Variants in LAMB1 observed in about 807,000 individuals in gnomAD.
The protein encoded by LAMB1 is laminin subunit beta-1.
LAMB1 carries 121 observed loss-of-function variants against 222.3 expected under a neutral mutation model. The observed-to-expected ratio is 0.54, with a 90% CI of 0.47 to 0.63. The LOEUF is 0.63. Among genes scored for constraint, LAMB1 ranks in the 30% least tolerant of loss-of-function variants. LAMB1 has a pLI of 0.00. For synonymous variants in LAMB1, 794 were observed against 807.2 expected, an observed-to-expected ratio of 0.98 and a Z score of 0.28; for missense variants, 2,172 against 2,240.8, an observed-to-expected ratio of 0.97 and a Z score of 0.62.
intron 22 of LAMB1, among the ~76,000 whole-genome samples, chr7:107,952,955 C>T (rs2033291235): frequency 1.3e-5 from 2 of 152,158 alleles, no homozygotes; most frequent in African/African-American, 4.8e-5. Flanking sequence ...CTACTGGATG[C>T]CATTTATCAT....
intron 7 of LAMB1, among the ~76,000 whole-genome samples, chr7:107,981,076 C>A (rs1408104154): frequency 1.3e-5 from 2 of 152,088 alleles, no homozygotes; most frequent in African/African-American, 4.8e-5. Context: ...CTTTGGGAGG[C>A]CAAGGCAGGT....
Position 107,961,869 on chromosome 7 carries a change from C to G in LAMB1, c.1858-193G>C, listed in dbSNP as rs80148008. On this transcript the variant is annotated intron_variant, in intron 15 of 33. Coordinates refer to ENST00000222399, the MANE Select transcript of LAMB1 (RefSeq NM_002291.3). Reference sequence around the variant, plus strand: ...CCTTCTGCCCTGGATGCTGAAACACCTCTCAACTGTTTTCTGCCTCTTCCC... The same window carrying G: ...CCTTCTGCCCTGGATGCTGAAACACGTCTCAACTGTTTTCTGCCTCTTCCC... Among the ~76,000 whole-genome samples, 5,930 of 152,258 alleles carry G rather than the reference C, an allele frequency of 0.039. 371 individuals carry two copies. Among genetic ancestry groups the G allele is most frequent in the African/African-American group, 0.13 (5,535 of 41,528 alleles).
At chr7:107,983,265 T>C (rs913819799) in intron 7 of LAMB1, among the ~76,000 whole-genome samples, 1 of 152,186 alleles carries the variant, frequency 6.6e-6, no homozygotes, top group African/African-American at 2.4e-5. Flanking sequence ...TGCTTCAAGC[T>C]TGGAAGTTTT....
At chr7:107,987,703 T>G (rs564537640) in intron 5 of LAMB1, among the ~76,000 whole-genome samples, 1 of 152,190 alleles carries the variant, frequency 6.6e-6, no homozygotes, top group African/African-American at 2.4e-5. Context: ...GGTTTCACCA[T>G]GTTGGCCAGG....
At chr7:107,972,938 G>C in intron 13 of LAMB1, 54 bp downstream of exon 13, 1 of 1,388,546 alleles carries the variant, frequency 7.2e-7, no homozygotes, top group Non-Finnish European at 1.0e-6. Context: ...ATTCCTGTAA[G>C]TCATGACTTT....
At chr7:107,987,326 T>C (rs1563006077) in intron 5 of LAMB1, among the ~76,000 whole-genome samples, 1 of 152,092 alleles carries the variant, frequency 6.6e-6, no homozygotes, top group Admixed American at 6.6e-5. Flanking sequence ...GAATTTCTGT[T>C]TGGGGTGATG....
chr7:107,986,415 C>T, intron 5 of LAMB1, 52 bp from the exon 6 acceptor site: 10 of 1,484,004 alleles, frequency 6.7e-6, no homozygotes, highest in Non-Finnish European at 8.2e-6. Context: ...GTAGTCTCTA[C>T]TTTTTTTAAT....
Position 107,988,288 on chromosome 7 carries a change from C to T in LAMB1, c.424-1925G>A, listed in dbSNP as rs377616738. ...AGGCGTGAAAGCATTTGGTTGTAGGCTAATTAGTCACATGTGTGATGTCCA... is the reference window on the plus strand; with the variant it reads ...AGGCGTGAAAGCATTTGGTTGTAGGTTAATTAGTCACATGTGTGATGTCCA... On this transcript the variant is annotated intron_variant, in intron 5 of 33. Coordinates refer to ENST00000222399, the MANE Select transcript of LAMB1 (RefSeq NM_002291.3). Among the ~76,000 whole-genome samples, 6 of 152,232 alleles carry T rather than the reference C, an allele frequency of 3.9e-5. No individual in the cohort carries two copies. In the East Asian group the frequency reaches 1.2e-3, roughly 29 times the overall value.
intron 20 of LAMB1, 61 bp from the exon 21 acceptor site, chr7:107,955,691 G>A: frequency 6.8e-7 from 1 of 1,480,026 alleles, no homozygotes; most frequent in Middle Eastern, 1.8e-4. Context: ...CCTGTTCCAA[G>A]GAAAGTCTTG....
In LAMB1 at chr7:107,964,759, A is replaced by G. The variant is rs960406085; in HGVS notation, c.1563-72T>C. The G allele has an allele frequency of 1.7e-5, 26 of 1,553,806 alleles. No homozygotes were observed. In the Admixed American group the frequency reaches 2.8e-4, roughly 17 times the overall value. On this transcript the variant is annotated intron_variant, in intron 13 of 33. Transcript: ENST00000222399. Reference sequence around the variant, plus strand: ...GTCAACCCGCCAGAAGCAGCTCTACAGCTGCCATTACTCAGTACACAGGAC... The same window carrying G: ...GTCAACCCGCCAGAAGCAGCTCTACGGCTGCCATTACTCAGTACACAGGAC...
intron 28 of LAMB1, chr7:107,931,810 T>C: frequency 2.1e-6 from 1 of 471,678 alleles, no homozygotes; most frequent in Non-Finnish European, 3.8e-6. Flanking sequence ...ACTTAAAAAG[T>C]GTGTGTCACT....
chr7:107,985,453 C>T (rs896853755), intron 7 of LAMB1, among the ~76,000 whole-genome samples: 3 of 151,612 alleles, frequency 2.0e-5, no homozygotes, highest in Admixed American at 1.3e-4. Context: ...GGTGAAAACC[C>T]GTCTCTACTA....
intron 13 of LAMB1, among the ~76,000 whole-genome samples, chr7:107,967,069 A>G (rs1175495254): frequency 6.6e-6 from 1 of 152,192 alleles, no homozygotes; most frequent in East Asian, 1.9e-4. Context: ...TCCAGCCATC[A>G]ATGGGACATT....
chr7:107,928,063 C>T (rs1030177473), intron 31 of LAMB1, among the ~76,000 whole-genome samples: 2 of 152,026 alleles, frequency 1.3e-5, no homozygotes, highest in South Asian at 2.1e-4. Context: ...AAAATTGGAA[C>T]GAAAACATTA....
chr7:108,003,058 G>GACA, intron 1 of LAMB1, 53 bp downstream of exon 1: 2 of 1,401,618 alleles, frequency 1.4e-6, no homozygotes, highest in Non-Finnish European at 1.9e-6. Flanking sequence ...CCACGGAAGC[G>GACA]GGGGGTGGGC....
At chr7:107,944,538 G>A (rs1046484650) in intron 24 of LAMB1, among the ~76,000 whole-genome samples, 6 of 152,108 alleles carry the variant, frequency 3.9e-5, no homozygotes, top group Admixed American at 1.3e-4. Context: ...CTGACTCTCC[G>A]GGAGGGCACC....
intron 24 of LAMB1, among the ~76,000 whole-genome samples, chr7:107,942,946 G>A (rs1338704811): frequency 2.0e-5 from 3 of 152,028 alleles, no homozygotes; most frequent in Admixed American, 6.5e-5. Flanking sequence ...TTTCCTTAGC[G>A]CCTGGGGTTT....
intron 31 of LAMB1, 60 bp from the exon 32 acceptor site, chr7:107,926,419 A>G (rs2032568802): frequency 7.0e-7 from 1 of 1,418,710 alleles, no homozygotes; most frequent in Admixed American, 1.9e-5. Context: ...TACTATGAGT[A>G]CAAGTTTGGA....
At chr7:107,988,264 G>C (rs1006181905) in intron 5 of LAMB1, among the ~76,000 whole-genome samples, 2 of 152,248 alleles carry the variant, frequency 1.3e-5, no homozygotes, top group South Asian at 2.1e-4. Flanking sequence ...ACGTGGAAGA[G>C]GCGTGAAAGC....
Sources: allele counts gnomAD v4.1 joint callset (sites outside exome capture counted in the v4.1 genomes callset), GRCh38; gene constraint gnomAD v4.1.1; transcripts MANE v1.5; gene names NCBI Gene and HGNC (gene_info 2026-07-23, HGNC 2026-07-21).